PIWIL3: variants seen among roughly 807,000 people sequenced by gnomAD.
PIWIL3 encodes the protein piwi-like protein 3.
A neutral mutation model predicts 109.7 loss-of-function variants in PIWIL3; 101 were observed. That is an observed-to-expected ratio of 0.92 (90% CI 0.78 to 1.09). PIWIL3 has a LOEUF of 1.09. Ranked by LOEUF, PIWIL3 falls within the 50% of genes least tolerant of loss-of-function variation. The pLI, the probability that PIWIL3 is intolerant of heterozygous loss-of-function variation, is 0.00. For synonymous variants in PIWIL3, 373 were observed against 376.4 expected (o/e 0.99, Z 0.10); for missense variants, 1,031 against 1,072.6 (o/e 0.96, Z 0.54).
chr22:24,727,918 C>T, intron 16 of PIWIL3, 32 bp downstream of exon 16: 1 of 1,540,814 alleles, frequency 6.5e-7, no homozygotes, highest in Non-Finnish European at 8.9e-7. Flanking sequence ...CAGTCAGCTA[C>T]TAACTAAACA....
At chr22:24,720,519 C>T (rs531055075) in intron 19 of PIWIL3, among the ~76,000 whole-genome samples, 1 of 152,188 alleles carries the variant, frequency 6.6e-6, no homozygotes, top group East Asian at 1.9e-4. Flanking sequence ...GATCTGCCTG[C>T]CTCGGCCTCC....
chr22:24,730,363 CAAAAAA>C (rs59306341), intron 14 of PIWIL3, among the ~76,000 whole-genome samples: 1 of 93,516 alleles, frequency 1.1e-5, no homozygotes. Context: ...GACTCAGTCT[CAAAAAA>C]AAAAAAAAAA....
At chr22:24,755,586 G>T (rs559102287) in intron 6 of PIWIL3, among the ~76,000 whole-genome samples, 198 bp downstream of exon 6, 29 of 152,306 alleles carry the variant, frequency 1.9e-4, no homozygotes, top group African/African-American at 7.0e-4. Context: ...GCCAGGAGAA[G>T]AACATTGAGG....
intron 12 of PIWIL3, among the ~76,000 whole-genome samples, chr22:24,738,499 C>T (rs781038051): frequency 2.0e-5 from 3 of 152,192 alleles, no homozygotes; most frequent in Admixed American, 2.0e-4. Flanking sequence ...TGGTGGTCAC[C>T]GCAGGGATGC....
intron 12 of PIWIL3, among the ~76,000 whole-genome samples, chr22:24,736,603 A>C (rs79301571): frequency 2.6e-5 from 4 of 152,218 alleles, no homozygotes; most frequent in African/African-American, 9.6e-5. Context: ...ATTTGTACAA[A>C]GGGAGCACCT....
chr22:24,763,640 A>G (rs1368000330), intron 1 of PIWIL3, among the ~76,000 whole-genome samples: 1 of 152,120 alleles, frequency 6.6e-6, no homozygotes, highest in Admixed American at 6.6e-5. Flanking sequence ...GTTATCTTCC[A>G]CACAGAGACT....
intron 12 of PIWIL3, among the ~76,000 whole-genome samples, chr22:24,743,226 G>T (rs2147681076): frequency 6.6e-6 from 1 of 152,236 alleles, no homozygotes; most frequent in Non-Finnish European, 1.5e-5. Context: ...TGGCAAGAAG[G>T]GAACACTTTT....
intron 12 of PIWIL3, among the ~76,000 whole-genome samples, chr22:24,737,579 G>T (rs1923732756): frequency 6.6e-6 from 1 of 152,130 alleles, no homozygotes; most frequent in Non-Finnish European, 1.5e-5. Flanking sequence ...AGAGTAAAGG[G>T]GACTTTGTCT....
intron 1 of PIWIL3, among the ~76,000 whole-genome samples, chr22:24,763,546 C>G (rs1925583936): frequency 6.6e-6 from 1 of 152,074 alleles, no homozygotes; most frequent in Non-Finnish European, 1.5e-5. Context: ...GTGATCCACC[C>G]GCCTCAGCCT....
Position 24,751,376 on chromosome 22 carries a change from C to T in PIWIL3, c.1089+11G>A, listed in dbSNP as rs143403058. The T allele has an allele frequency of 5.8e-5, 91 of 1,581,012 alleles. No homozygotes were observed. The East Asian group carries it at 7.0e-4, about 12-fold the overall frequency. ...CAATTTAAATATATTTAAAGAAATA[C>T]AGTTTCATACCTGCCTGTAGTAGTC... On this transcript the variant is annotated intron_variant, in intron 9 of 20. Coordinates refer to ENST00000616349, the MANE Select transcript of PIWIL3 (RefSeq NM_001255975.1).
In PIWIL3 at chr22:24,755,671, T is replaced by A. The variant is rs6004259; in HGVS notation, c.692+113A>T. Reference sequence around the variant, plus strand: ...TCTCCAAGACCCTTCACTCTCTTAATACATGAGGACTAGGAAGAACACTAA... The same window carrying A: ...TCTCCAAGACCCTTCACTCTCTTAAAACATGAGGACTAGGAAGAACACTAA... On this transcript the variant is annotated intron_variant, in intron 6 of 20. Transcript: ENST00000616349. 1.1e-5 allele frequency: 15 copies of A among 1,353,726 alleles called. No homozygotes were observed. In the East Asian group the frequency reaches 3.5e-4, roughly 32 times the overall value. The allele number at this position is 1,353,726 out of a possible 1,614,324, so 83.9% of individuals were successfully genotyped here.
Position 24,735,581 on chromosome 22 carries a change from A to G in PIWIL3, c.1634+127T>C. 3.5e-6 allele frequency: 3 copies of G among 850,804 alleles called. No individual in the cohort carries two copies. The South Asian group carries it at 7.3e-5, about 21-fold the overall frequency. 52.7% of individuals were successfully genotyped at this position (850,804 alleles called of 1,614,324 possible). Reference sequence around the variant, plus strand: ...AAGTCTGTTTTAATATTTTTTGACTAGAGATTAGACTTTACAAACTCTAAG... The same window carrying G: ...AAGTCTGTTTTAATATTTTTTGACTGGAGATTAGACTTTACAAACTCTAAG... On this transcript the variant is annotated intron_variant, in intron 13 of 20. Transcript: ENST00000616349.
intron 4 of PIWIL3, 130 bp from the exon 5 acceptor site, chr22:24,756,835 T>TG: frequency 5.3e-6 from 4 of 757,268 alleles, no homozygotes; most frequent in Non-Finnish European, 8.4e-6. Context: ...ATCCCAGCAC[T>TG]CTGGGAGGCC....
At chr22:24,753,946 G>A (rs1924856013) in intron 8 of PIWIL3, 68 bp downstream of exon 8, 2 of 1,345,482 alleles carry the variant, frequency 1.5e-6, no homozygotes, top group Admixed American at 1.8e-5. Flanking sequence ...AAAACTATAG[G>A]ACCATCTCTT....
intron 14 of PIWIL3, among the ~76,000 whole-genome samples, chr22:24,730,510 A>G (rs1426700271): frequency 1.3e-5 from 2 of 152,196 alleles, no homozygotes; most frequent in African/African-American, 4.8e-5. Flanking sequence ...ACACACACAC[A>G]GTAGCTGCCA....
In PIWIL3 at chr22:24,720,272, T is replaced by G. The variant is rs976968179; in HGVS notation, c.2358-377A>C. Reference sequence around the variant, plus strand: ...TATATTTAAACTGTTTTTTTTTTTTTTTTTTTTTTTTTTTTTTTAGACGGA... The same window carrying G: ...TATATTTAAACTGTTTTTTTTTTTTGTTTTTTTTTTTTTTTTTTAGACGGA... On this transcript the variant is annotated intron_variant, in intron 19 of 20. Coordinates refer to ENST00000616349, the MANE Select transcript of PIWIL3 (RefSeq NM_001255975.1). 2.4e-3 allele frequency among the ~76,000 whole-genome samples: 338 copies of G among 140,168 alleles called. 10 individuals are homozygous for G. In the South Asian group the frequency reaches 0.036, roughly 15 times the overall value. The allele number at this position is 140,168 out of a possible 152,430, so 92.0% of individuals were successfully genotyped here. A position where few individuals can be genotyped will look rare whatever the true frequency, so the allele number is the denominator to read the frequency against.
rs147488051 is a variant in PIWIL3 at position 24,725,610 on chromosome 22, A to G, written c.2010-95T>C. 40 of 1,170,768 alleles carry G rather than the reference A, an allele frequency of 3.4e-5. No homozygotes were observed. In the East Asian group the frequency reaches 9.4e-4, roughly 27 times the overall value. The allele number at this position is 1,170,768 out of a possible 1,614,324, so 72.5% of individuals were successfully genotyped here. ...ATGGGCAAAAAATATTACTATCAGTAGTTAAGGACATTTTAGCATCAATTC... is the reference window on the plus strand; with the variant it reads ...ATGGGCAAAAAATATTACTATCAGTGGTTAAGGACATTTTAGCATCAATTC... On this transcript the variant is annotated intron_variant, in intron 16 of 20. Coordinates refer to ENST00000616349, the MANE Select transcript of PIWIL3 (RefSeq NM_001255975.1).
intron 19 of PIWIL3, among the ~76,000 whole-genome samples, chr22:24,722,917 AG>A (rs1336688274): frequency 2.6e-5 from 4 of 152,314 alleles, no homozygotes; most frequent in African/African-American, 9.6e-5. Context: ...CATTTACAAA[AG>A]TTTGATGAAG....
At chr22:24,735,206 G>T (rs1923590185) in intron 13 of PIWIL3, among the ~76,000 whole-genome samples, 1 of 152,114 alleles carries the variant, frequency 6.6e-6, no homozygotes, top group Non-Finnish European at 1.5e-5. Flanking sequence ...ATATACATTT[G>T]TCCAAACCAG....
Sources: allele counts gnomAD v4.1 joint callset (sites outside exome capture counted in the v4.1 genomes callset), GRCh38; gene constraint gnomAD v4.1.1; transcripts MANE v1.5; gene names NCBI Gene and HGNC (gene_info 2026-07-23, HGNC 2026-07-21).